THADA: variants seen among roughly 807,000 people sequenced by gnomAD.
THADA encodes the protein THADA armadillo repeat containing.
Under a neutral mutation model 219.8 loss-of-function variants are expected in THADA, and 213 were observed. That is an observed-to-expected ratio of 0.97 (90% CI 0.87 to 1.09). THADA has a LOEUF of 1.09. Among genes scored for constraint, THADA ranks in the 50% least tolerant of loss-of-function variants. The pLI, the probability that THADA is intolerant of heterozygous loss-of-function variation, is 0.00. For missense variants in THADA, 2,956 were observed against 2,311.3 expected (o/e 1.28, Z -5.72); for synonymous variants, 1,018 against 828.9 (o/e 1.23, Z -3.92).
chr2:43,458,721 C>T (rs1683295610), intron 26 of THADA, among the ~76,000 whole-genome samples: 1 of 152,038 alleles, frequency 6.6e-6, no homozygotes, highest in African/African-American at 2.4e-5. Flanking sequence ...AAAACAACAA[C>T]AAAAAACCCC....
At chr2:43,304,231 G>A (rs1047541403) in intron 31 of THADA, among the ~76,000 whole-genome samples, 1 of 152,074 alleles carries the variant, frequency 6.6e-6, no homozygotes, top group Non-Finnish European at 1.5e-5. Context: ...AAAAATGCAA[G>A]GCCCAGAGTG....
At chr2:43,375,266 C>T (rs957535817) in intron 29 of THADA, among the ~76,000 whole-genome samples, 4 of 152,166 alleles carry the variant, frequency 2.6e-5, no homozygotes, top group African/African-American at 7.2e-5. Flanking sequence ...AAGAGAATAT[C>T]AAGTCCAGGA....
intron 26 of THADA, among the ~76,000 whole-genome samples, chr2:43,448,184 C>G (rs750104635): frequency 6.6e-6 from 1 of 152,218 alleles, no homozygotes; most frequent in African/African-American, 2.4e-5. Flanking sequence ...AAGGCAACAA[C>G]TGCACTGGCA....
chr2:43,397,942 C>T (rs777135558), intron 29 of THADA, 29 bp downstream of exon 29: 6 of 1,611,698 alleles, frequency 3.7e-6, no homozygotes, highest in Middle Eastern at 1.7e-4. Context: ...TGGTGTTTGA[C>T]AGAAGTCACA....
At chr2:43,381,668 C>T (rs1489854348) in intron 29 of THADA, among the ~76,000 whole-genome samples, 1 of 151,818 alleles carries the variant, frequency 6.6e-6, no homozygotes, top group Non-Finnish European at 1.5e-5. Context: ...GGAACCTCCA[C>T]CTCCTGGATT....
At chr2:43,416,304 A>C (rs369935487) in intron 28 of THADA, among the ~76,000 whole-genome samples, 3 of 152,214 alleles carry the variant, frequency 2.0e-5, no homozygotes, top group East Asian at 1.9e-4. Flanking sequence ...TAACAATTCA[A>C]CTTTTCCTGG....
chr2:43,568,822 C>A (rs1698971788), intron 14 of THADA, among the ~76,000 whole-genome samples: 1 of 152,034 alleles, frequency 6.6e-6, no homozygotes, highest in Admixed American at 6.6e-5. Flanking sequence ...TGGGGGGAAT[C>A]ATTTGAGGCC....
intron 35 of THADA, among the ~76,000 whole-genome samples, chr2:43,285,698 G>A (rs1673916737): frequency 6.6e-6 from 1 of 151,812 alleles, no homozygotes; most frequent in African/African-American, 2.4e-5. Context: ...TTACAGGCAT[G>A]TGCCACCAAG....
At chr2:43,301,253 T>C (rs1032269372) in intron 31 of THADA, among the ~76,000 whole-genome samples, 4 of 152,122 alleles carry the variant, frequency 2.6e-5, no homozygotes, top group African/African-American at 7.2e-5. Flanking sequence ...TTCACAGTAG[T>C]GAAGAACTAG....
chr2:43,389,515 T>C (rs1673094796), intron 29 of THADA, among the ~76,000 whole-genome samples: 1 of 152,098 alleles, frequency 6.6e-6, no homozygotes. Flanking sequence ...CACTAACGTA[T>C]TCTTCCACAT....
chr2:43,389,767 G>C (rs1673127702), intron 29 of THADA, among the ~76,000 whole-genome samples: 1 of 152,162 alleles, frequency 6.6e-6, no homozygotes, highest in Non-Finnish European at 1.5e-5. Context: ...TAGTTTCAAG[G>C]TTTATCCCAA....
At chr2:43,325,209 C>T (rs1225847081) in intron 30 of THADA, among the ~76,000 whole-genome samples, 1 of 152,112 alleles carries the variant, frequency 6.6e-6, no homozygotes, top group African/African-American at 2.4e-5. Flanking sequence ...CACAAAAGCC[C>T]CAGTGTCTAG....
At chr2:43,476,921 T>G (rs1685621846) in intron 26 of THADA, among the ~76,000 whole-genome samples, 1 of 152,150 alleles carries the variant, frequency 6.6e-6, no homozygotes, top group Non-Finnish European at 1.5e-5. Flanking sequence ...AAAGAGGCAT[T>G]TTGGTTATTA....
intron 26 of THADA, among the ~76,000 whole-genome samples, chr2:43,454,499 G>A (rs1388622935): frequency 6.6e-6 from 1 of 152,014 alleles, no homozygotes; most frequent in East Asian, 1.9e-4. Context: ...CTACTTGGAT[G>A]GCTGAGGTGG....
At chr2:43,557,889 ATC>A (rs1446389979) in intron 16 of THADA, among the ~76,000 whole-genome samples, 8 of 152,244 alleles carry the variant, frequency 5.3e-5, no homozygotes, top group African/African-American at 1.7e-4. Flanking sequence ...TGATTTAAAT[ATC>A]TGTTTATTTC....
rs552936425 is a variant in THADA, at chr2:43,423,080, T to C, written c.4058+5020A>G. 2.6e-5 allele frequency among the ~76,000 whole-genome samples: 4 copies of C among 152,286 alleles called. No homozygotes were observed. The South Asian group carries it at 8.3e-4, about 32-fold the overall frequency. On this transcript the variant is annotated intron_variant, in intron 28 of 37. Transcript: ENST00000405975. ...ATTTAAGAACACATCACAAATAAAA[T>C]TGTAGCTTCTAGTACATGGCTCCTC...
At chr2:43,293,239 A>G in intron 31 of THADA, 26 bp from the exon 32 acceptor site, 1 of 1,583,408 alleles carries the variant, frequency 6.3e-7, no homozygotes, top group Non-Finnish European at 8.6e-7. Flanking sequence ...AGCAAAAGGG[A>G]AAGAGATAAT....
chr2:43,566,278 G>A, intron 15 of THADA: 1 of 520,646 alleles, frequency 1.9e-6, no homozygotes, highest in Non-Finnish European at 3.4e-6. Flanking sequence ...TGAGGCACAT[G>A]AAACAGACGG....
chr2:43,244,647 T>C (rs560340449), intron 36 of THADA, among the ~76,000 whole-genome samples: 2 of 152,238 alleles, frequency 1.3e-5, no homozygotes, highest in East Asian at 1.9e-4. Context: ...TCCAGCCATT[T>C]TGGCCTGCAT....
Sources: allele counts gnomAD v4.1 joint callset (sites outside exome capture counted in the v4.1 genomes callset), GRCh38; gene constraint gnomAD v4.1.1; transcripts MANE v1.5; gene names NCBI Gene and HGNC (gene_info 2026-07-23, HGNC 2026-07-21).